TNC: variants seen among roughly 807,000 people sequenced by gnomAD.
TNC encodes the protein tenascin C.
TNC carries 109 observed loss-of-function variants against 202.4 expected under a neutral mutation model. That is an observed-to-expected ratio of 0.54 (90% CI 0.46 to 0.63). The LOEUF (loss-of-function observed/expected upper bound fraction) is 0.63. Ranked by LOEUF, TNC falls within the 30% of genes least tolerant of loss-of-function variation. The probability of loss-of-function intolerance (pLI) is 0.00; values close to 1 mark genes in which losing one functional copy is unlikely to be tolerated. For missense variants in TNC, 2,756 were observed against 2,833.3 expected, an observed-to-expected ratio of 0.97 and a Z score of 0.62; for synonymous variants, 1,007 against 1,089.7, an observed-to-expected ratio of 0.92 and a Z score of 1.50.
chr9:115,047,544 T>C (rs1238523032), intron 16 of TNC, among the ~76,000 whole-genome samples: 3 of 152,190 alleles, frequency 2.0e-5, no homozygotes, highest in African/African-American at 7.2e-5. Flanking sequence ...TAGGGTGTTC[T>C]GAAAAGCCGT....
At chr9:115,101,038 C>G (rs1324638781) in intron 1 of TNC, among the ~76,000 whole-genome samples, 1 of 152,120 alleles carries the variant, frequency 6.6e-6, no homozygotes, top group Non-Finnish European at 1.5e-5. Context: ...CTTCTTGGCC[C>G]TGATGAGTTT....
At position 115,078,116 on chromosome 9, in the gene TNC, T is replaced by C. The variant is rs1834021894; in HGVS notation, c.2501A>G (p.Glu834Gly). The C allele has an allele frequency of 6.2e-7, 1 of 1,614,200 alleles. No individual in the cohort carries two copies. The highest frequency in any genetic ancestry group is 8.5e-7 in the Non-Finnish European group (1 of 1,180,022). ...CACGTCTTTGATGCCGTAGGTCAGC[T>C]CAATGCCATCGATCTCAGCCAGGGG... Reference protein sequence around the residue: ...FKPLAEIDGIELTYGIKDVPG... With the variant: ...FKPLAEIDGIGLTYGIKDVPG... Residue 834 changes from glutamate (E) to glycine (G), a missense_variant, in exon 7 of 28, where the codon GAG becomes GGG. Transcript: ENST00000350763.
chr9:115,107,591 C>T (rs59952710), intron 1 of TNC, among the ~76,000 whole-genome samples: 2,947 of 152,166 alleles, frequency 0.019, 99 homozygotes, highest in African/African-American at 0.068. Context: ...TATTATTATG[C>T]TTATTTGAAA....
Position 115,090,832 on chromosome 9 carries a change from G to C in TNC, c.187C>G (p.Gln63Glu). ...GCTGACTCCAGATCCACCGAACACT[G>C]GGATCCCACTGGCAGCTTGATGTTG... The part of the protein sequence containing the change: ...VYNIKLPVGS[Q>E]CSVDLESASG... The change falls in exon 2 of 28, where the codon CAG (glutamine) becomes GAG (glutamate). Residue 63 changes from glutamine (Q) to glutamate (E), a missense_variant. Gln to Glu is a conservative substitution (Grantham distance 29). This residue lies in a region of TNC where 2,559 missense variants were observed against 2,546.0 expected (regional missense o/e 1.01). Coordinates refer to ENST00000350763, the MANE Select transcript of TNC (RefSeq NM_002160.4). 1 of 1,614,208 alleles carries C rather than the reference G, an allele frequency of 6.2e-7. No individual in the cohort carries two copies. Among genetic ancestry groups the C allele is most frequent in the South Asian group, 1.1e-5 (1 of 91,090 alleles).
chr9:115,069,697 TCCC>T (rs1367110212), intron 10 of TNC, among the ~76,000 whole-genome samples: 1 of 13,744 alleles, frequency 7.3e-5, no homozygotes, highest in African/African-American at 3.8e-4. Context: ...CCTCCCTCCC[TCCC>T]TCCCTCCCTT....
intron 6 of TNC, among the ~76,000 whole-genome samples, chr9:115,080,840 A>G (rs1834247771): frequency 6.6e-6 from 1 of 151,360 alleles, no homozygotes; most frequent in Non-Finnish European, 1.5e-5. Flanking sequence ...TGAACCTGGG[A>G]GGCAGAGATT....
chr9:115,061,046 A>C (rs1832504518), intron 13 of TNC, among the ~76,000 whole-genome samples: 1 of 151,964 alleles, frequency 6.6e-6, no homozygotes, highest in Non-Finnish European at 1.5e-5. Flanking sequence ...ATATGGAAAA[A>C]CCCATTGTTT....
At position 115,059,787 on chromosome 9, in the gene TNC, T is replaced by C; in HGVS notation, c.4249A>G (p.Ile1417Val). The C allele has an allele frequency of 1.2e-6, 2 of 1,614,068 alleles. No homozygotes were observed. The highest frequency in any genetic ancestry group is 1.7e-6 in the Non-Finnish European group (2 of 1,179,962). ...LEAATPYRVSIYGVIRGYRTP... is the reference protein window; with the variant it reads ...LEAATPYRVSVYGVIRGYRTP... Reference sequence around the variant, plus strand: ...CTATAGCCCCGGATCACCCCATAGATGGAGACTCTATAAGGCGTGGCAGCC... The same window carrying C: ...CTATAGCCCCGGATCACCCCATAGACGGAGACTCTATAAGGCGTGGCAGCC... Residue 1417 changes from isoleucine (I) to valine (V), a missense_variant, in exon 14 of 28, where the codon ATC becomes GTC. By Grantham distance (29) the Ile-to-Val change is conservative. Coordinates refer to ENST00000350763, the MANE Select transcript of TNC (RefSeq NM_002160.4).
chr9:115,098,424 A>G (rs1835957309), intron 1 of TNC, among the ~76,000 whole-genome samples: 1 of 152,194 alleles, frequency 6.6e-6, no homozygotes, highest in African/African-American at 2.4e-5. Context: ...GAATAGGCTA[A>G]CAGTTATTTT....
intron 15 of TNC, chr9:115,052,916 A>G (rs1831813983): frequency 2.8e-6 from 2 of 702,746 alleles, no homozygotes; most frequent in Non-Finnish European, 2.6e-6. Flanking sequence ...CACATTGATA[A>G]CAATCTTTGC....
In TNC at chr9:115,031,653, G is replaced by A. The variant is rs1319556108; in HGVS notation, c.5820C>T (p.Tyr1940=). Residue 1940 remains tyrosine, a synonymous_variant, in exon 23 of 28, where the codon TAC becomes TAT. Transcript: ENST00000350763. ...TGGATGGGCTCAGGTCTGCCAGGCTGTAGGAGGTGGTATCTGGACCCACAA... is the reference window on the plus strand; with the variant it reads ...TGGATGGGCTCAGGTCTGCCAGGCTATAGGAGGTGGTATCTGGACCCACAA... ...EVIVGPDTTS[Y]SLADLSPSTH... 1.9e-6 allele frequency: 3 copies of A among 1,611,646 alleles called. No individual in the cohort carries two copies. Among genetic ancestry groups the A allele is most frequent in the Admixed American group, 3.4e-5 (2 of 59,522 alleles).
Position 115,029,381 on chromosome 9 carries a change from G to A in TNC, c.6148C>T (p.Arg2050Cys), listed in dbSNP as rs565954577. The A allele has an allele frequency of 3.0e-5, 49 of 1,613,978 alleles. No individual in the cohort carries two copies. In the Middle Eastern group the frequency reaches 5.0e-4, roughly 16 times the overall value. Residue 2050 changes from arginine (R) to cysteine (C), a missense_variant, in exon 25 of 28, where the codon CGC (arginine) becomes TGC (cysteine). Around this residue, in one of 2 missense-constraint regions of TNC, gnomAD observed 197 missense variants for 287.3 expected, o/e 0.69. Coordinates refer to ENST00000350763, the MANE Select transcript of TNC (RefSeq NM_002160.4). ...TTACCAAGCCAGAATTCTTCTCTGC[G>A]GTCCCCAAATCCAGCAGCATATGCC... ...WKAYAAGFGD[R>C]REEFWLGLDN...
chr9:115,046,177 T>G (rs1339168068), intron 17 of TNC, among the ~76,000 whole-genome samples: 1 of 152,248 alleles, frequency 6.6e-6, no homozygotes, highest in Non-Finnish European at 1.5e-5. Flanking sequence ...CGCTATGGGC[T>G]TTATATGAAT....
chr9:115,093,926 G>A (rs934757940), intron 1 of TNC, among the ~76,000 whole-genome samples: 18 of 152,112 alleles, frequency 1.2e-4, no homozygotes, highest in African/African-American at 4.3e-4. Context: ...TGGTCTGAGG[G>A]CAGTGGGTGT....
At chr9:115,031,355 T>C (rs1471073241) in intron 23 of TNC, among the ~76,000 whole-genome samples, 198 bp downstream of exon 23, 3 of 152,266 alleles carry the variant, frequency 2.0e-5, no homozygotes, top group African/African-American at 7.2e-5. Flanking sequence ...TGAATCCAGA[T>C]GGGCTTCCTC....
intron 1 of TNC, among the ~76,000 whole-genome samples, 193 bp downstream of exon 1, chr9:115,117,789 C>T (rs1412150702): frequency 6.6e-6 from 1 of 152,054 alleles, no homozygotes; most frequent in Admixed American, 6.5e-5. Context: ...AAAGTTAAAA[C>T]AAACAAAATT....
At chr9:115,027,904 G>A (rs908752175) in intron 25 of TNC, among the ~76,000 whole-genome samples, 2 of 152,056 alleles carry the variant, frequency 1.3e-5, no homozygotes, top group Non-Finnish European at 2.9e-5. Flanking sequence ...GGTGAGGAGA[G>A]CAAAAATCAC....
Position 115,057,236 on chromosome 9 carries a change from G to A in TNC, c.4496C>T (p.Pro1499Leu), listed in dbSNP as rs908718714. The A allele has an allele frequency of 1.9e-6, 3 of 1,613,996 alleles. No individual in the cohort carries two copies. Among genetic ancestry groups the A allele is most frequent in the African/African-American group, 1.3e-5 (1 of 74,902 alleles). The change falls in exon 15 of 28, where the codon CCC becomes CTC. Residue 1499 changes from proline (P) to leucine (L), a missense_variant. Coordinates refer to ENST00000350763, the MANE Select transcript of TNC (RefSeq NM_002160.4). Reference sequence around the variant, plus strand: ...GTAGACAATAAAATCAGTACTAGGGGGTAGCCCTGAGATATGGGCAGTTCG... The same window carrying A: ...GTAGACAATAAAATCAGTACTAGGGAGTAGCCCTGAGATATGGGCAGTTCG... ...AERTAHISGL[P>L]PSTDFIVYLS...
chr9:115,065,456 A>T (rs1285133338), intron 10 of TNC, among the ~76,000 whole-genome samples: 1 of 152,200 alleles, frequency 6.6e-6, no homozygotes, highest in African/African-American at 2.4e-5. Flanking sequence ...TCTCTTGGAA[A>T]TGGTATTTTC....
Sources: gnomAD v4.1 joint callset for allele counts (sites outside exome capture counted in the v4.1 genomes callset) on GRCh38, gnomAD v4.1.1 for gene constraint, gnomAD v4.1.1 regional missense constraint, MANE v1.5 for transcripts, NCBI Gene and HGNC (gene_info 2026-07-23, HGNC 2026-07-21) for gene names.